Variants in RAP1A observed in about 807,000 individuals in gnomAD.
RAP1A encodes the protein RAP1A, member of RAS oncogene family.
Under a neutral mutation model 26.4 loss-of-function variants are expected in RAP1A, and 6 were observed. That is an observed-to-expected ratio of 0.23 (90% CI 0.12 to 0.45). The LOEUF is 0.45. Among genes scored for constraint, RAP1A ranks in the 20% least tolerant of loss-of-function variants. The pLI is 0.99. For missense variants in RAP1A, 121 were observed against 217.2 expected, an observed-to-expected ratio of 0.56 and a Z score of 2.78; for synonymous variants, 73 against 79.4, an observed-to-expected ratio of 0.92 and a Z score of 0.43.
chr1:111,702,852 C>T (rs1662065300), intron 4 of RAP1A, among the ~76,000 whole-genome samples: 1 of 152,040 alleles, frequency 6.6e-6, no homozygotes, highest in South Asian at 2.1e-4. Flanking sequence ...GAGTCATTGC[C>T]CCTGACCATT....
intron 1 of RAP1A, among the ~76,000 whole-genome samples, chr1:111,590,595 T>C (rs1658452655): frequency 1.4e-5 from 2 of 144,784 alleles, no homozygotes; most frequent in Non-Finnish European, 3.1e-5. Context: ...TCTAATGGTC[T>C]TTTTTTTTTT....
chr1:111,542,284 C>T (rs1043871406), exon 1 of RAP1A: 3 of 572,032 alleles, frequency 5.2e-6, no homozygotes, highest in Non-Finnish European at 1.0e-5. Context: ...TCAGACCTGC[C>T]GGTTCGAACA....
At chr1:111,617,560 G>A (rs912998686), upstream of RAP1A, among the ~76,000 whole-genome samples, 2 of 152,066 alleles carry the variant, frequency 1.3e-5, no homozygotes, top group Admixed American at 1.3e-4. Flanking sequence ...AGCCTCCTGA[G>A]TAGCTGGGAC....
intron 1 of RAP1A, among the ~76,000 whole-genome samples, chr1:111,646,327 A>G (rs1660061738): frequency 6.6e-6 from 1 of 151,742 alleles, no homozygotes; most frequent in South Asian, 2.1e-4. Flanking sequence ...ATTTAATAGG[A>G]GATCCCTGCC....
Position 111,619,878 on chromosome 1 carries a change from A to C in RAP1A, c.-84A>C. 3.8e-6 allele frequency: 1 copy of C among 262,046 alleles called. No homozygotes were observed. The highest frequency in any genetic ancestry group is 7.1e-6 in the Non-Finnish European group (1 of 141,618). The allele number at this position is 262,046 out of a possible 1,614,324, so 16.2% of individuals were successfully genotyped here. On this transcript the variant is annotated 5_prime_UTR_variant, in exon 1 of 8. Transcript: ENST00000369709. Reference sequence around the variant, plus strand: ...GGAGCCACGGCCGAGAGGAGGGAGGAGGAGGAGGAGGAGGTGGAGGAGGTG... The same window carrying C: ...GGAGCCACGGCCGAGAGGAGGGAGGCGGAGGAGGAGGAGGTGGAGGAGGTG...
At chr1:111,648,801 C>A in intron 1 of RAP1A, 1 of 662,558 alleles carries the variant, frequency 1.5e-6, no homozygotes, top group South Asian at 1.4e-5. Context: ...TCGATTCTTT[C>A]AAGCCAGCTC....
intron 1 of RAP1A, among the ~76,000 whole-genome samples, chr1:111,628,636 A>G (rs1659473728): frequency 6.6e-6 from 1 of 152,170 alleles, no homozygotes. Context: ...AAGACAGGGA[A>G]TCTGGATTAA....
At chr1:111,666,647 A>AC (rs1235130727) in intron 1 of RAP1A, among the ~76,000 whole-genome samples, 1 of 151,672 alleles carries the variant, frequency 6.6e-6, no homozygotes, top group Non-Finnish European at 1.5e-5. Flanking sequence ...GAGATTTAAA[A>AC]AAAAAAAGCA....
chr1:111,556,815 T>G (rs1295354877), intron 1 of RAP1A, among the ~76,000 whole-genome samples: 1 of 152,070 alleles, frequency 6.6e-6, no homozygotes, highest in Non-Finnish European at 1.5e-5. Flanking sequence ...TGGGGATGAA[T>G]GGTAGTAATG....
chr1:111,563,536 TTA>T (rs1176008245), intron 1 of RAP1A, among the ~76,000 whole-genome samples: 2 of 152,120 alleles, frequency 1.3e-5, no homozygotes, highest in African/African-American at 4.8e-5. Flanking sequence ...GAGCCCTGAG[TTA>T]TATACAATAA....
At chr1:111,645,612 T>C (rs1660040547) in intron 1 of RAP1A, among the ~76,000 whole-genome samples, 1 of 152,196 alleles carries the variant, frequency 6.6e-6, no homozygotes, top group African/African-American at 2.4e-5. Context: ...AAGATGGTGG[T>C]GTATAACTTA....
chr1:111,627,641 A>G (rs1247124417), intron 1 of RAP1A: 1 of 152,066 alleles, frequency 6.6e-6, no homozygotes, highest in African/African-American at 2.4e-5. Context: ...TCCTCATATT[A>G]TTAATAATCT....
At chr1:111,594,716 G>A (rs1039842236) in intron 1 of RAP1A, among the ~76,000 whole-genome samples, 2 of 152,168 alleles carry the variant, frequency 1.3e-5, no homozygotes, top group African/African-American at 4.8e-5. Flanking sequence ...TGCTCATTTA[G>A]TCTTCTGCTC....
At chr1:111,711,353 T>C (rs187895220) in intron 7 of RAP1A, among the ~76,000 whole-genome samples, 172 of 152,324 alleles carry the variant, frequency 1.1e-3, no homozygotes, top group Non-Finnish European at 1.9e-3. Context: ...TCACAAAATA[T>C]CCTTTTAGCT....
At chr1:111,598,464 CT>C (rs939052642) in intron 1 of RAP1A, among the ~76,000 whole-genome samples, 67 of 149,838 alleles carry the variant, frequency 4.5e-4, no homozygotes, top group Non-Finnish European at 6.7e-4. Flanking sequence ...TTGAGGAGCA[CT>C]TTTTTTTTTG....
In RAP1A at chr1:111,704,337, C is replaced by G. The variant is rs756798070; in HGVS notation, c.325-6C>G. On this transcript the variant is annotated splice_region_variant and splice_polypyrimidine_tract_variant and intron_variant, in intron 5 of 7. Coordinates refer to ENST00000369709, the MANE Select transcript of RAP1A (RefSeq NM_002884.4). ...TTGTTCATTTTACGTTTTTTTCTTC[C>G]CACAGGTTCCAATGATTTTGGTTGG... The G allele has an allele frequency of 1.2e-5, 19 of 1,611,106 alleles. No homozygotes were observed. Among genetic ancestry groups the G allele is most frequent in the Non-Finnish European group, 1.6e-5 (19 of 1,178,864 alleles).
At chr1:111,704,226 A>G in intron 5 of RAP1A, 117 bp from the exon 6 acceptor site, 1 of 1,042,330 alleles carries the variant, frequency 9.6e-7, no homozygotes, top group Non-Finnish European at 1.3e-6. Context: ...TATTTGATGA[A>G]GCTTGCGGTC....
intron 1 of RAP1A, among the ~76,000 whole-genome samples, chr1:111,629,240 A>G (rs1659493848): frequency 6.6e-6 from 1 of 152,138 alleles, no homozygotes; most frequent in East Asian, 1.9e-4. Flanking sequence ...GAAAAACATT[A>G]CTTTTAGTGT....
chr1:111,566,683 G>T (rs1199828924), intron 1 of RAP1A, among the ~76,000 whole-genome samples: 1 of 152,098 alleles, frequency 6.6e-6, no homozygotes, highest in Non-Finnish European at 1.5e-5. Flanking sequence ...TCAGATGATG[G>T]TTAAGTGACA....
Sources: allele counts gnomAD v4.1 joint callset (sites outside exome capture counted in the v4.1 genomes callset), GRCh38; gene constraint gnomAD v4.1.1; transcripts MANE v1.5; gene names NCBI Gene and HGNC (gene_info 2026-07-23, HGNC 2026-07-21).